PDE7B: variants seen among roughly 807,000 people sequenced by gnomAD.
The protein encoded by PDE7B is 3',5'-cyclic-AMP phosphodiesterase 7B.
A neutral mutation model predicts 56.2 loss-of-function variants in PDE7B; 29 were observed. The ratio of observed to expected loss-of-function variants is 0.52; its 90% CI spans 0.38 to 0.70. The LOEUF (loss-of-function observed/expected upper bound fraction) is 0.70. PDE7B is among the 30% of genes least tolerant of loss of function. The pLI is 0.00. For synonymous variants in PDE7B, 197 were observed against 196.9 expected, an observed-to-expected ratio of 1.00 and a Z score of 0.00; for missense variants, 490 against 565.0, an observed-to-expected ratio of 0.87 and a Z score of 1.35.
chr6:136,128,730 G>A (rs1027699861), intron 3 of PDE7B, among the ~76,000 whole-genome samples: 3 of 152,122 alleles, frequency 2.0e-5, no homozygotes, highest in Admixed American at 6.5e-5. Flanking sequence ...ATATGATAAC[G>A]CATATATGGC....
chr6:136,054,357 A>G (rs1487188054), intron 2 of PDE7B, among the ~76,000 whole-genome samples: 1 of 152,134 alleles, frequency 6.6e-6, no homozygotes, highest in African/African-American at 2.4e-5. Context: ...CAAAGATCAG[A>G]TAGTTGTAGA....
At chr6:135,853,046 C>T (rs1367188951) in intron 1 of PDE7B, among the ~76,000 whole-genome samples, 10 of 152,170 alleles carry the variant, frequency 6.6e-5, no homozygotes, top group Admixed American at 1.3e-4. Flanking sequence ...TCCAAAGAGT[C>T]GGTTTTTGTA....
At chr6:135,874,398 C>G (rs976955895) in intron 1 of PDE7B, among the ~76,000 whole-genome samples, 1 of 152,128 alleles carries the variant, frequency 6.6e-6, no homozygotes, top group East Asian at 1.9e-4. Flanking sequence ...GCCTTTTTAG[C>G]TGAACATCAC....
intron 3 of PDE7B, among the ~76,000 whole-genome samples, chr6:136,131,294 ATATGTGTT>A (rs1778112323): frequency 2.0e-5 from 3 of 152,100 alleles, no homozygotes; most frequent in Non-Finnish European, 4.4e-5. Flanking sequence ...CATAAAAGAC[ATATGTGTT>A]TTCTAGAGGG....
chr6:136,022,028 T>C (rs1463703070), intron 2 of PDE7B, among the ~76,000 whole-genome samples: 1 of 152,188 alleles, frequency 6.6e-6, no homozygotes, highest in African/African-American at 2.4e-5. Flanking sequence ...CTTTGTTTCT[T>C]TAGACATAGC....
At chr6:136,136,083 A>G (rs1778207932) in intron 3 of PDE7B, among the ~76,000 whole-genome samples, 1 of 152,136 alleles carries the variant, frequency 6.6e-6, no homozygotes, top group Non-Finnish European at 1.5e-5. Flanking sequence ...ATCCTAGACA[A>G]CACTAACCTT....
At chr6:135,888,260 C>A (rs1285336393) in intron 1 of PDE7B, among the ~76,000 whole-genome samples, 1 of 152,130 alleles carries the variant, frequency 6.6e-6, no homozygotes, top group African/African-American at 2.4e-5. Flanking sequence ...GACTAAGTAA[C>A]CTGCTCAAGG....
intron 2 of PDE7B, among the ~76,000 whole-genome samples, chr6:135,968,592 G>A (rs1349660578): frequency 1.3e-5 from 2 of 152,128 alleles, no homozygotes; most frequent in African/African-American, 4.8e-5. Context: ...AAACCACAAT[G>A]AGCTACCATC....
At chr6:136,161,327 C>T (rs914592631) in intron 8 of PDE7B, among the ~76,000 whole-genome samples, 2 of 152,166 alleles carry the variant, frequency 1.3e-5, no homozygotes, top group African/African-American at 4.8e-5. Flanking sequence ...ACTTCCCAGA[C>T]AGATAGTACA....
chr6:135,914,994 A>G lies in PDE7B; in HGVS notation c.22-32470A>G, dbSNP rs145867992. On this transcript the variant is annotated intron_variant, in intron 1 of 12. Transcript: ENST00000308191. ...TTTAATCCCAGCTACTTGGGAGGCTAAAGCAGGAGAATCACTTGAACGCAG... is the reference window on the plus strand; with the variant it reads ...TTTAATCCCAGCTACTTGGGAGGCTGAAGCAGGAGAATCACTTGAACGCAG... Among the ~76,000 whole-genome samples, 1,256 of 151,858 alleles carry G rather than the reference A, an allele frequency of 8.3e-3. 7 individuals are homozygous for G. The highest frequency in any genetic ancestry group is 0.02 in the Middle Eastern group (6 of 294).
intron 3 of PDE7B, among the ~76,000 whole-genome samples, chr6:136,113,233 G>GTA (rs1462293441): frequency 3.9e-5 from 6 of 152,070 alleles, no homozygotes; most frequent in Non-Finnish European, 8.8e-5. Flanking sequence ...ATGTGTGTGT[G>GTA]TATATATACA....
At chr6:135,904,354 A>G (rs963905343) in intron 1 of PDE7B, among the ~76,000 whole-genome samples, 2 of 152,172 alleles carry the variant, frequency 1.3e-5, no homozygotes, top group African/African-American at 4.8e-5. Flanking sequence ...CTGATTATAC[A>G]TATGAAAAAT....
At chr6:135,988,620 A>T (rs1775422318) in intron 2 of PDE7B, among the ~76,000 whole-genome samples, 2 of 152,216 alleles carry the variant, frequency 1.3e-5, no homozygotes, top group Admixed American at 1.3e-4. Context: ...GGAGATACAA[A>T]ATATGTTCTT....
chr6:136,132,858 G>A (rs1285558809), intron 3 of PDE7B, among the ~76,000 whole-genome samples: 1 of 152,124 alleles, frequency 6.6e-6, no homozygotes, highest in East Asian at 1.9e-4. Context: ...AATGAAACCT[G>A]CTTCCTTAAG....
Position 136,155,773 on chromosome 6 carries a change from C to T in PDE7B, c.711+15C>T, listed in dbSNP as rs114735793. 7.2e-4 allele frequency: 1,154 copies of T among 1,613,666 alleles called. 13 individuals carry two copies. In the African/African-American group the frequency reaches 0.013, roughly 18 times the overall value. On this transcript the variant is annotated intron_variant, in intron 8 of 12. Coordinates refer to ENST00000308191, the MANE Select transcript of PDE7B (RefSeq NM_018945.4). ...ACCTATATCAGGTAAGGGAGCCCAA[C>T]CTGGAGCCAGCCACAGTATGGTCAA...
At chr6:136,177,348 C>G (rs1364850736) in intron 9 of PDE7B, among the ~76,000 whole-genome samples, 1 of 151,920 alleles carries the variant, frequency 6.6e-6, no homozygotes, top group Non-Finnish European at 1.5e-5. Flanking sequence ...GAGACTTCAT[C>G]AATAGACATC....
chr6:135,986,155 T>C (rs1330317485), intron 2 of PDE7B, among the ~76,000 whole-genome samples: 1 of 151,736 alleles, frequency 6.6e-6, no homozygotes, highest in African/African-American at 2.4e-5. Context: ...AAAACTTGCC[T>C]TTTTTTGAGT....
intron 10 of PDE7B, among the ~76,000 whole-genome samples, chr6:136,180,290 G>A (rs531621852): frequency 6.6e-6 from 1 of 152,320 alleles, no homozygotes; most frequent in South Asian, 2.1e-4. Context: ...TCTGATTTGA[G>A]TGACTAAAGC....
At chr6:135,916,973 T>C (rs991601508) in intron 1 of PDE7B, among the ~76,000 whole-genome samples, 2 of 152,152 alleles carry the variant, frequency 1.3e-5, no homozygotes, top group South Asian at 2.1e-4. Context: ...AAAATACTTA[T>C]AGTTCATCCT....
Sources: gnomAD v4.1 joint callset for allele counts (sites outside exome capture counted in the v4.1 genomes callset) on GRCh38, gnomAD v4.1.1 for gene constraint, MANE v1.5 for transcripts, NCBI Gene and HGNC (gene_info 2026-07-23, HGNC 2026-07-21) for gene names.